Variants in FBXL13 observed in about 807,000 individuals in gnomAD.
FBXL13 encodes F-box and leucine rich repeat protein 13, also known as F-box and leucine-rich repeat protein 13.
FBXL13 carries 67 observed loss-of-function variants against 83.6 expected under a neutral mutation model. That is an observed-to-expected ratio of 0.80 (90% CI 0.66 to 0.98). The LOEUF is 0.98. Among genes scored for constraint, FBXL13 ranks in the 50% least tolerant of loss-of-function variants. FBXL13 has a pLI of 0.00. For synonymous variants in FBXL13, 272 were observed against 299.5 expected (o/e 0.91, Z 0.95); for missense variants, 822 against 866.5 (o/e 0.95, Z 0.64).
At chr7:102,830,592 G>T (rs939700165) in intron 18 of FBXL13, among the ~76,000 whole-genome samples, 83 of 152,208 alleles carry the variant, frequency 5.5e-4, no homozygotes, top group African/African-American at 1.9e-3. Flanking sequence ...GAACTTTTTG[G>T]CTTAGTTTTG....
At chr7:102,890,036 T>C (rs972330864) in intron 11 of FBXL13, among the ~76,000 whole-genome samples, 2 of 152,146 alleles carry the variant, frequency 1.3e-5, no homozygotes, top group African/African-American at 2.4e-5. Context: ...AAGGACTCTT[T>C]AGCTTTGTCC....
intron 6 of FBXL13, among the ~76,000 whole-genome samples, chr7:103,003,949 T>C (rs1303322232): frequency 6.6e-6 from 1 of 152,216 alleles, no homozygotes; most frequent in African/African-American, 2.4e-5. Context: ...AATTTATAAA[T>C]TGCTTTTGTG....
chr7:102,835,070 G>C (rs897069638), intron 17 of FBXL13, among the ~76,000 whole-genome samples: 1 of 152,152 alleles, frequency 6.6e-6, no homozygotes, highest in African/African-American at 2.4e-5. Context: ...TGTACTTTGA[G>C]AAAAACTGAA....
At chr7:102,939,982 C>T (rs902767822) in intron 8 of FBXL13, among the ~76,000 whole-genome samples, 23 of 151,466 alleles carry the variant, frequency 1.5e-4, no homozygotes, top group Admixed American at 4.6e-4. Context: ...GCAACCTCTG[C>T]CTCTTGGGTT....
intron 8 of FBXL13, among the ~76,000 whole-genome samples, chr7:102,945,342 G>T (rs1310653800): frequency 6.6e-6 from 1 of 152,078 alleles, no homozygotes; most frequent in Non-Finnish European, 1.5e-5. Flanking sequence ...TTGTTTGTTT[G>T]TTTTTGTTTT....
intron 19 of FBXL13, among the ~76,000 whole-genome samples, chr7:102,813,739 A>C (rs1797616948): frequency 6.6e-6 from 1 of 152,208 alleles, no homozygotes; most frequent in Admixed American, 6.5e-5. Context: ...CAGCCAGTTC[A>C]GAAATTAACA....
At chr7:103,067,464 G>A (rs1798511672) in intron 1 of FBXL13, among the ~76,000 whole-genome samples, 1 of 152,200 alleles carries the variant, frequency 6.6e-6, no homozygotes. Flanking sequence ...TTGTAATGAA[G>A]AGAATACAGT....
chr7:103,030,171 C>T (rs967645053), intron 2 of FBXL13: 25 of 152,216 alleles, frequency 1.6e-4, no homozygotes, highest in Admixed American at 1.6e-3. Context: ...TACCAACAGC[C>T]AGGAATTCTG....
intron 8 of FBXL13, among the ~76,000 whole-genome samples, chr7:102,951,471 T>G (rs78597918): frequency 0.07 from 10,447 of 149,624 alleles, 425 homozygotes; most frequent in South Asian, 0.14. Context: ...CTGAAGAAAC[T>G]AGAAAAGAAG....
chr7:102,813,201 T>C (rs1232842236), downstream of FBXL13: 6 of 760,076 alleles, frequency 7.9e-6, no homozygotes, highest in Middle Eastern at 3.9e-4. Context: ...TTGGAAATAT[T>C]TGTAGTTGGA....
At chr7:102,899,085 G>A (rs1490738224) in intron 11 of FBXL13, among the ~76,000 whole-genome samples, 2 of 151,914 alleles carry the variant, frequency 1.3e-5, no homozygotes, top group Admixed American at 6.6e-5. Flanking sequence ...TTGGCTAACT[G>A]TTGAATTTTA....
At chr7:102,998,064 C>T (rs1477644362) in intron 6 of FBXL13, among the ~76,000 whole-genome samples, 1 of 152,186 alleles carries the variant, frequency 6.6e-6, no homozygotes, top group African/African-American at 2.4e-5. Context: ...TCTGCATCCT[C>T]ATAAGCATGT....
chr7:102,878,465 G>T lies in FBXL13; in HGVS notation c.1389-15C>A. 1 of 1,558,402 alleles carries T rather than the reference G, an allele frequency of 6.4e-7. No homozygotes were observed. Among genetic ancestry groups the T allele is most frequent in the Non-Finnish European group, 8.7e-7 (1 of 1,151,812 alleles). ...TATCACCAATTCTGTAGGAAAGAGA[G>T]AAAAATTTTACATGTGATTCTATAT... On this transcript the variant is annotated splice_polypyrimidine_tract_variant and intron_variant, in intron 14 of 19. Coordinates refer to ENST00000313221, the Ensembl canonical transcript of FBXL13.
chr7:102,914,199 A>G (rs1815357936), intron 10 of FBXL13, among the ~76,000 whole-genome samples: 1 of 152,104 alleles, frequency 6.6e-6, no homozygotes, highest in South Asian at 2.1e-4. Context: ...CAGCCTCCCA[A>G]GTGGCTGGGA....
At chr7:102,964,405 T>TATA (rs35861251) in intron 7 of FBXL13, among the ~76,000 whole-genome samples, 9,037 of 127,766 alleles carry the variant, frequency 0.071, 540 homozygotes, top group African/African-American at 0.18. Context: ...TATATATATA[T>TATA]TTTTTTTTTT....
chr7:103,018,488 G>A lies in FBXL13; in HGVS notation c.495+6575C>T, dbSNP rs186229952. Among the ~76,000 whole-genome samples, 210 of 152,298 alleles carry A rather than the reference G, an allele frequency of 1.4e-3. 5 individuals carry two copies. In the East Asian group the frequency reaches 0.038, roughly 28 times the overall value. ...CACACATAACATATTAACCTTAAAT[G>A]TAAATGGGCTAAATGCTCCAATTAA... On this transcript the variant is annotated intron_variant, in intron 6 of 19. Coordinates refer to ENST00000313221, the Ensembl canonical transcript of FBXL13.
At chr7:102,870,239 T>C (rs904643979) in intron 16 of FBXL13, among the ~76,000 whole-genome samples, 2 of 152,232 alleles carry the variant, frequency 1.3e-5, no homozygotes, top group East Asian at 1.9e-4. Flanking sequence ...TGCTGTAATG[T>C]GGCAGAGATA....
At chr7:102,859,433 G>A (rs1335190717) in intron 16 of FBXL13, among the ~76,000 whole-genome samples, 1 of 151,856 alleles carries the variant, frequency 6.6e-6, no homozygotes, top group East Asian at 1.9e-4. Context: ...TTAGATTAGT[G>A]ACCTAAAGAA....
chr7:103,051,801 T>C (rs75763593), intron 2 of FBXL13, among the ~76,000 whole-genome samples: 1,674 of 152,240 alleles, frequency 0.011, 35 homozygotes, highest in African/African-American at 0.039. Context: ...AACAGCTGGA[T>C]TGGTTACAGA....
Sources: allele counts gnomAD v4.1 joint callset (sites outside exome capture counted in the v4.1 genomes callset), GRCh38; gene constraint gnomAD v4.1.1; transcripts MANE v1.5; gene names NCBI Gene and HGNC (gene_info 2026-07-23, HGNC 2026-07-21).